The following PIWIL4 variants were observed in gnomAD, a reference collection of about 807,000 sequenced individuals.
The protein encoded by PIWIL4 is piwi-like protein 4.
In PIWIL4, 50 loss-of-function variants were observed where a neutral mutation model predicts 100.9. The observed-to-expected ratio is 0.50, with a 90% CI of 0.39 to 0.63. The LOEUF (loss-of-function observed/expected upper bound fraction) is 0.63, where lower values mean the gene tolerates loss of function less well. Ranked by LOEUF, PIWIL4 falls within the 20% of genes least tolerant of loss-of-function variation. The probability of loss-of-function intolerance (pLI) is 0.00; values close to 1 mark genes in which losing one functional copy is unlikely to be tolerated. For missense variants in PIWIL4, 887 were observed against 1,043.3 expected, an observed-to-expected ratio of 0.85 and a Z score of 2.06; for synonymous variants, 342 against 367.5, an observed-to-expected ratio of 0.93 and a Z score of 0.79.
chr11:94,585,480 G>T lies in PIWIL4; in HGVS notation c.671G>T (p.Arg224Leu), dbSNP rs372125531. ...LKKLSMYQIG[R>L]NFYNPSEPME... ...AAGTTGTCCATGTACCAAATTGGAC[G>T]GAACTTCTATAATCCTTCAGAGCCA... is the stretch of plus-strand genomic sequence containing the variant. The change falls in exon 6 of 20, where the codon CGG (arginine) becomes CTG (leucine). Residue 224 changes from arginine to leucine, a missense_variant. By Grantham distance (102) the Arg-to-Leu change is moderately radical (BLOSUM62 -2). Around this residue, in one of 2 missense-constraint regions of PIWIL4, gnomAD observed 741 missense variants for 930.0 expected, o/e 0.80. Transcript: ENST00000299001. 23 of 1,609,950 alleles carry T rather than the reference G, an allele frequency of 1.4e-5. No individual in the cohort carries two copies. Among genetic ancestry groups the T allele is most frequent in the Non-Finnish European group, 1.5e-5 (18 of 1,178,776 alleles).
intron 11 of PIWIL4, 87 bp downstream of exon 11, chr11:94,598,002 TATA>T (rs1565278156): frequency 3.3e-5 from 33 of 1,009,188 alleles, no homozygotes; most frequent in Non-Finnish European, 4.8e-5. Context: ...CTTGTGTGCT[TATA>T]ATATTTGGTT....
intron 16 of PIWIL4, chr11:94,617,701 A>G (rs1336204659): frequency 2.4e-6 from 1 of 422,528 alleles, no homozygotes; most frequent in Non-Finnish European, 4.2e-6. Context: ...AATTTTATTT[A>G]AAGAGATAGG....
In PIWIL4 at chr11:94,620,936, C is replaced by A. The variant is rs201776961; in HGVS notation, c.2503C>A (p.Gln835Lys). The change falls in exon 20 of 20, where the codon CAA becomes AAA. Residue 835 changes from glutamine to lysine, a missense_variant. Physicochemically the swap from Gln to Lys is moderately conservative, Grantham distance 53. Around this residue, in one of 2 missense-constraint regions of PIWIL4, gnomAD observed 741 missense variants for 930.0 expected, o/e 0.80. Coordinates refer to ENST00000299001, the MANE Select transcript of PIWIL4 (RefSeq NM_152431.3). Reference sequence around the variant, plus strand: ...TCACAAGCTGACCTTTCTGGTGGCACAAAGCATTCATAAAGAACCCAGTCT... The same window carrying A: ...TCACAAGCTGACCTTTCTGGTGGCAAAAAGCATTCATAAAGAACCCAGTCT... Reference protein sequence around the residue: ...YAHKLTFLVAQSIHKEPSLEL... With the variant: ...YAHKLTFLVAKSIHKEPSLEL... 37 of 1,613,790 alleles carry A rather than the reference C, an allele frequency of 2.3e-5. No individual in the cohort carries two copies. The East Asian group carries it at 8.0e-4, about 35-fold the overall frequency.
At chr11:94,589,443 T>A (rs1170511858) in intron 8 of PIWIL4, among the ~76,000 whole-genome samples, 1 of 152,096 alleles carries the variant, frequency 6.6e-6, no homozygotes. Context: ...CTGAGTAATC[T>A]CCCTTTAAAG....
chr11:94,587,366 G>A, intron 7 of PIWIL4, 119 bp downstream of exon 7: 1 of 1,077,702 alleles, frequency 9.3e-7, no homozygotes, highest in East Asian at 2.6e-5. Context: ...TTACTCATCT[G>A]TTTAGAAGAC....
At position 94,589,161 on chromosome 11, in the gene PIWIL4, TC is replaced by T; in HGVS notation, c.956del (p.Ser319Ter). 1 of 1,613,104 alleles carries T rather than the reference TC, an allele frequency of 6.2e-7. No homozygotes were observed. The highest frequency in any genetic ancestry group is 1.1e-5 in the South Asian group (1 of 91,078). On this transcript the variant is annotated frameshift_variant, in exon 8 of 20. Coordinates refer to ENST00000299001, the MANE Select transcript of PIWIL4 (RefSeq NM_152431.3). LOFTEE classifies it high-confidence loss of function. ...RTYSIDDIDW[S>X]VKPTHTFQKR... Reference sequence around the variant, plus strand: ...CTACTCCATTGATGACATTGACTGGTCAGTGAAGCCCACACACACCTTTCAG... The same window carrying T: ...CTACTCCATTGATGACATTGACTGGTAGTGAAGCCCACACACACCTTTCAG...
intron 7 of PIWIL4, among the ~76,000 whole-genome samples, chr11:94,587,926 A>C (rs1184308893): frequency 2.6e-5 from 4 of 152,016 alleles, no homozygotes; most frequent in Non-Finnish European, 5.9e-5. Context: ...GCTCACATAT[A>C]CTGCTGCTAG....
chr11:94,588,784 G>T (rs767421598), intron 7 of PIWIL4, among the ~76,000 whole-genome samples: 27 of 152,104 alleles, frequency 1.8e-4, no homozygotes, highest in Admixed American at 2.6e-4. Flanking sequence ...GAAGATAATG[G>T]GAAAGTTTTG....
intron 6 of PIWIL4, among the ~76,000 whole-genome samples, chr11:94,586,081 A>G (rs1376863879): frequency 6.6e-6 from 1 of 152,106 alleles, no homozygotes; most frequent in African/African-American, 2.4e-5. Flanking sequence ...ACGTAGATTC[A>G]TAAAGGGAGA....
intron 10 of PIWIL4, among the ~76,000 whole-genome samples, chr11:94,596,498 A>C (rs1013340038): frequency 2.0e-5 from 3 of 152,170 alleles, no homozygotes; most frequent in Admixed American, 2.0e-4. Flanking sequence ...ACTGTACGTC[A>C]TGTTTTGTAG....
chr11:94,612,622 CCTCT>C (rs1044099162), intron 15 of PIWIL4, among the ~76,000 whole-genome samples: 5 of 151,604 alleles, frequency 3.3e-5, no homozygotes, highest in East Asian at 1.9e-4. Flanking sequence ...TTTCTTTATT[CCTCT>C]CTCTCTGTCT....
In PIWIL4 at chr11:94,595,326, A is replaced by G. The variant is rs1301287766; in HGVS notation, c.1168A>G (p.Thr390Ala). The G allele has an allele frequency of 5.0e-6, 8 of 1,613,864 alleles. No individual in the cohort carries two copies. In the East Asian group the frequency reaches 6.7e-5, roughly 13 times the overall value. ...TTTAATAGGGCTGACTGACCAGGCA[A>G]CATCTGATTTCCAGCTGATGAAGGC... ...CFLTGLTDQATSDFQLMKAVA... is the reference protein window; with the variant it reads ...CFLTGLTDQAASDFQLMKAVA... Residue 390 changes from threonine to alanine, a missense_variant, in exon 10 of 20, where the codon ACA (threonine) becomes GCA (alanine). Physicochemically the swap from Thr to Ala is moderately conservative, Grantham distance 58. Coordinates refer to ENST00000299001, the MANE Select transcript of PIWIL4 (RefSeq NM_152431.3).
chr11:94,586,964 G>T, intron 6 of PIWIL4, 86 bp from the exon 7 acceptor site: 1 of 1,232,054 alleles, frequency 8.1e-7, no homozygotes, highest in Non-Finnish European at 1.1e-6. Flanking sequence ...TCGAGAATTA[G>T]AACAGAAAAT....
chr11:94,589,478 C>A lies in PIWIL4; in HGVS notation c.1026+246C>A, dbSNP rs544306278. Among the ~76,000 whole-genome samples the A allele has an allele frequency of 3.3e-5, 5 of 152,306 alleles. No homozygotes were observed. In the East Asian group the frequency reaches 7.7e-4, roughly 23 times the overall value. ...GCATATCTGATCACACTGCTCGCAA[C>A]GCTAATACATTTCCATGTCTCCTTA... On this transcript the variant is annotated intron_variant, in intron 8 of 19. Coordinates refer to ENST00000299001, the MANE Select transcript of PIWIL4 (RefSeq NM_152431.3).
At chr11:94,591,458 C>G (rs1948484372) in intron 8 of PIWIL4, among the ~76,000 whole-genome samples, 1 of 152,198 alleles carries the variant, frequency 6.6e-6, no homozygotes, top group African/African-American at 2.4e-5. Flanking sequence ...ACACGTATTC[C>G]TTGGAGAGCA....
intron 8 of PIWIL4, among the ~76,000 whole-genome samples, chr11:94,591,661 T>A (rs1266794870): frequency 6.6e-6 from 1 of 152,162 alleles, no homozygotes; most frequent in Non-Finnish European, 1.5e-5. Flanking sequence ...ATGGTAAAAA[T>A]CCCAGTCACT....
At chr11:94,616,934 T>C (rs1229661024) in intron 16 of PIWIL4, among the ~76,000 whole-genome samples, 1 of 152,070 alleles carries the variant, frequency 6.6e-6, no homozygotes, top group Admixed American at 6.6e-5. Flanking sequence ...ATAGGGGTGC[T>C]AACAGATAAA....
At chr11:94,602,254 T>C (rs1431750292) in intron 12 of PIWIL4, among the ~76,000 whole-genome samples, 1 of 152,220 alleles carries the variant, frequency 6.6e-6, no homozygotes, top group East Asian at 1.9e-4. Context: ...TATAAATCTT[T>C]AATAAGTCCA....
intron 6 of PIWIL4, 148 bp downstream of exon 6, chr11:94,585,673 A>T (rs1047669408): frequency 7.2e-6 from 4 of 557,906 alleles, no homozygotes; most frequent in Non-Finnish European, 1.2e-5. Context: ...AGTTTTTTTA[A>T]TAAAATGGTT....
Sources: gnomAD v4.1 joint callset for allele counts (sites outside exome capture counted in the v4.1 genomes callset) on GRCh38, gnomAD v4.1.1 for gene constraint, gnomAD v4.1.1 regional missense constraint, MANE v1.5 for transcripts, NCBI Gene and HGNC (gene_info 2026-07-23, HGNC 2026-07-21) for gene names.